The following CTCFL variants were observed in gnomAD, a reference collection of about 807,000 sequenced individuals.
CTCFL encodes the protein CCCTC-binding factor like, also known as transcriptional repressor CTCFL.
In CTCFL, 36 loss-of-function variants were observed where a neutral mutation model predicts 67.4. That is an observed-to-expected ratio of 0.53 (90% CI 0.41 to 0.71). The LOEUF is 0.71. CTCFL is among the 30% of genes least tolerant of loss of function. CTCFL has a pLI of 0.00. For synonymous variants in CTCFL, 324 were observed against 302.3 expected (o/e 1.07, Z -0.75); for missense variants, 786 against 835.2 (o/e 0.94, Z 0.73).
chr20:57,520,333 G>A (rs748457128), intron 3 of CTCFL, among the ~76,000 whole-genome samples: 2 of 152,162 alleles, frequency 1.3e-5, no homozygotes, highest in Admixed American at 6.5e-5. Context: ...CAAGGGCAGC[G>A]GAAACAAACA....
intron 3 of CTCFL, among the ~76,000 whole-genome samples, chr20:57,520,119 T>C (rs2069243468): frequency 1.3e-5 from 2 of 152,104 alleles, no homozygotes; most frequent in East Asian, 3.9e-4. Context: ...AGAGGGAAGG[T>C]GGCCCCAGTG....
intron 1 of CTCFL, chr20:57,524,827 C>A: frequency 1.1e-6 from 1 of 899,020 alleles, no homozygotes; most frequent in Non-Finnish European, 1.3e-6. Flanking sequence ...CCAGACCAAG[C>A]ACACTCCCTC....
Position 57,504,502 on chromosome 20 carries a change from A to G in CTCFL, c.1675-901T>C, listed in dbSNP as rs1188119391. On this transcript the variant is annotated intron_variant, in intron 9 of 10. Transcript: ENST00000243914. The stretch of plus-strand genomic sequence containing the variant: ...CACCATGCTGGCCAGGCTGGACTCA[A>G]AACTCCTGACCTCAAGTGATCCACC... 6.0e-5 allele frequency among the ~76,000 whole-genome samples: 9 copies of G among 150,856 alleles called. No individual in the cohort carries two copies. In the East Asian group the frequency reaches 1.8e-3, roughly 30 times the overall value.
At chr20:57,520,527 A>G (rs1006251108) in intron 3 of CTCFL, among the ~76,000 whole-genome samples, 2 of 152,212 alleles carry the variant, frequency 1.3e-5, no homozygotes, top group Non-Finnish European at 2.9e-5. Context: ...AGGGGAAACA[A>G]TTTAAAAAAT....
At chr20:57,516,888 G>A (rs1167512924) in intron 5 of CTCFL, among the ~76,000 whole-genome samples, 1 of 152,140 alleles carries the variant, frequency 6.6e-6, no homozygotes, top group Non-Finnish European at 1.5e-5. Context: ...GTGTATCACA[G>A]GCCCTTATCT....
intron 5 of CTCFL, 66 bp from the exon 6 acceptor site, chr20:57,515,900 C>A: frequency 6.6e-7 from 1 of 1,512,054 alleles, no homozygotes; most frequent in South Asian, 1.2e-5. Flanking sequence ...TTCCATTAAT[C>A]AGCATTGTAA....
intron 6 of CTCFL, 187 bp from the exon 7 acceptor site, chr20:57,514,928 C>T (rs112126901): frequency 8.6e-5 from 52 of 604,450 alleles, no homozygotes; most frequent in African/African-American, 8.0e-4. Flanking sequence ...ACAGCTGTGT[C>T]CATGATGGAC....
At chr20:57,502,858 A>T (rs1290394233) in intron 10 of CTCFL, among the ~76,000 whole-genome samples, 1 of 152,178 alleles carries the variant, frequency 6.6e-6, no homozygotes, top group African/African-American at 2.4e-5. Flanking sequence ...TTTTCAAAAG[A>T]AGTTCTAAAT....
chr20:57,499,089 G>GT (rs2067794066), intron 10 of CTCFL, among the ~76,000 whole-genome samples: 1 of 131,126 alleles, frequency 7.6e-6, no homozygotes, highest in African/African-American at 2.7e-5. Flanking sequence ...GGGGGTGGGG[G>GT]GGGGACACAG....
chr20:57,519,432 A>G, intron 3 of CTCFL, 55 bp from the exon 4 acceptor site: 2 of 1,488,680 alleles, frequency 1.3e-6, no homozygotes, highest in South Asian at 2.3e-5. Flanking sequence ...CCATTTAAAT[A>G]CTTGAAAGTA....
intron 9 of CTCFL, among the ~76,000 whole-genome samples, chr20:57,504,865 C>T (rs982997929): frequency 6.6e-6 from 1 of 152,022 alleles, no homozygotes; most frequent in African/African-American, 2.4e-5. Flanking sequence ...CCTGTAAGCC[C>T]TTGCTGCAAG....
chr20:57,496,635 C>T (rs2067727117), downstream of CTCFL, among the ~76,000 whole-genome samples: 1 of 152,184 alleles, frequency 6.6e-6, no homozygotes, highest in Admixed American at 6.5e-5. Flanking sequence ...GCAAACATCA[C>T]TTTACCGTCT....
rs943091068 is a variant in CTCFL, at chr20:57,513,714, C to T, written c.1330+878G>A. The T allele has an allele frequency of 1.2e-4, 150 of 1,202,144 alleles. 1 individual carries two copies. Among genetic ancestry groups the T allele is most frequent in the Admixed American group, 3.1e-4 (9 of 29,040 alleles). The allele number at this position is 1,202,144 out of a possible 1,614,324, so 74.5% of individuals were successfully genotyped here. A position where few individuals can be genotyped will look rare whatever the true frequency, so the allele number is the denominator to read the frequency against. On this transcript the variant is annotated intron_variant, in intron 7 of 10. Transcript: ENST00000243914. ...AGTGAAGACTTTGTGGAACACCTTT[C>T]GCCTTTCAGAAAGGTTTTCAAAAAA...
intron 9 of CTCFL, among the ~76,000 whole-genome samples, chr20:57,505,172 T>C (rs989596451): frequency 6.6e-6 from 1 of 151,942 alleles, no homozygotes; most frequent in Non-Finnish European, 1.5e-5. Context: ...CCCTTTCTGT[T>C]GTGCTTAGCT....
rs2069168618 is a variant in CTCFL at position 57,519,316 on chromosome 20, A to G, written c.816T>C (p.Phe272=). 6.2e-7 allele frequency: 1 copy of G among 1,614,164 alleles called. No homozygotes were observed. The highest frequency in any genetic ancestry group is 8.5e-7 in the Non-Finnish European group (1 of 1,180,012). Residue 272 remains phenylalanine (F), a synonymous_variant, in exon 4 of 11, where the codon TTT becomes TTC. Coordinates refer to ENST00000243914, the MANE Select transcript of CTCFL (RefSeq NM_001386993.1). ...TGGTGTGAGTTTTCATATGACGATT[A>G]AAACTTGACATTCTAGAAGAGGTGA... ...CMFTSSRMSS[F]NRHMKTHTSE...
At position 57,502,714 on chromosome 20, in the gene CTCFL, C is replaced by A. The variant is rs116224254; in HGVS notation, c.1840+722G>T. Among the ~76,000 whole-genome samples the A allele has an allele frequency of 4.3e-3, 648 of 152,284 alleles. 5 individuals are homozygous for A. The highest frequency in any genetic ancestry group is 0.015 in the African/African-American group (624 of 41,568). ...CATTCACAGGACACACAGGACAGGG[C>A]CCAGCTTCAGCCAACCTGGGAACTC... is the stretch of plus-strand genomic sequence containing the variant. On this transcript the variant is annotated intron_variant, in intron 10 of 10. Coordinates refer to ENST00000243914, the MANE Select transcript of CTCFL (RefSeq NM_001386993.1).
At chr20:57,524,704 G>A in intron 1 of CTCFL, 2 of 997,056 alleles carry the variant, frequency 2.0e-6, no homozygotes, top group Non-Finnish European at 2.4e-6. Flanking sequence ...CGAGGTTCGG[G>A]CCCGAGCAGG....
intron 3 of CTCFL, among the ~76,000 whole-genome samples, chr20:57,520,057 G>A (rs1320190820): frequency 6.6e-6 from 1 of 152,180 alleles, no homozygotes; most frequent in East Asian, 1.9e-4. Context: ...GATGATGCTG[G>A]TCTAGCACTG....
Position 57,523,122 on chromosome 20 carries a change from C to T in CTCFL, c.700G>A (p.Gly234Ser). The change falls in exon 3 of 11, where the codon GGT becomes AGT. Residue 234 changes from glycine to serine, a missense_variant. Transcript: ENST00000243914. ...TTGGCCTTTTCAGCATCTGCTTGAC[C>T]AGCTGTAGGTTGATCCTCTTGTTCT... The part of the protein sequence containing the change: ...VEEQEDQPTA[G>S]QADAEKAKST... The T allele has an allele frequency of 6.2e-7, 1 of 1,613,824 alleles. No homozygotes were observed. Among genetic ancestry groups the T allele is most frequent in the Non-Finnish European group, 8.5e-7 (1 of 1,179,954 alleles).
Sources: gnomAD v4.1 joint callset for allele counts (sites outside exome capture counted in the v4.1 genomes callset) on GRCh38, gnomAD v4.1.1 for gene constraint, MANE v1.5 for transcripts, NCBI Gene and HGNC (gene_info 2026-07-23, HGNC 2026-07-21) for gene names.